The following ZRANB3 variants were observed in gnomAD, a reference collection of about 807,000 sequenced individuals.
The protein encoded by ZRANB3 is zinc finger RANBP2-type containing 3.
ZRANB3 carries 125 observed loss-of-function variants against 133.8 expected under a neutral mutation model. That is an observed-to-expected ratio of 0.93 (90% CI 0.81 to 1.08). ZRANB3 has a LOEUF of 1.08. Among genes scored for constraint, ZRANB3 ranks in the 50% least tolerant of loss-of-function variants. ZRANB3 has a pLI of 0.00. For synonymous variants in ZRANB3, 387 were observed against 432.7 expected (o/e 0.89, Z 1.31); for missense variants, 1,229 against 1,275.5 (o/e 0.96, Z 0.56).
chr2:135,230,717 C>T lies in ZRANB3; in HGVS notation c.1750G>A (p.Glu584Lys), dbSNP rs1292255581. ...ETKRLKLAAS[E>K]DHCSPSEETP... ...TCTTCCGACGGACTGCAGTGGTCTT[C>T]CGAGGCAGCCAATTTCAATCTTTTC... Residue 584 changes from glutamate to lysine, a missense_variant, in exon 13 of 21, where the codon GAA (glutamate) becomes AAA (lysine). Transcript: ENST00000264159. 1.2e-6 allele frequency: 2 copies of T among 1,612,818 alleles called. No individual in the cohort carries two copies. The highest frequency in any genetic ancestry group is 1.7e-6 in the Non-Finnish European group (2 of 1,179,498).
chr2:135,494,240 G>A (rs757068750), intron 2 of ZRANB3, among the ~76,000 whole-genome samples: 45 of 148,568 alleles, frequency 3.0e-4, no homozygotes, highest in Middle Eastern at 3.5e-3. Context: ...CCCGAGAGGC[G>A]GAGCTTGCAG....
chr2:135,295,295 C>T (rs1558894988), intron 8 of ZRANB3, among the ~76,000 whole-genome samples: 1 of 152,128 alleles, frequency 6.6e-6, no homozygotes, highest in Non-Finnish European at 1.5e-5. Flanking sequence ...GGATAGTTAG[C>T]TCTTCTTGTT....
At chr2:135,340,104 CTTTTTTT>C (rs769541283) in intron 6 of ZRANB3, among the ~76,000 whole-genome samples, 3 of 123,776 alleles carry the variant, frequency 2.4e-5, no homozygotes, top group African/African-American at 8.7e-5. Flanking sequence ...TGTCCCTTTT[CTTTTTTT>C]TTTTTTTTTT....
At chr2:135,358,958 T>C (rs1394903494) in intron 3 of ZRANB3, among the ~76,000 whole-genome samples, 1 of 151,876 alleles carries the variant, frequency 6.6e-6, no homozygotes, top group East Asian at 1.9e-4. Flanking sequence ...AATAAGAGAC[T>C]ATGCCTGTCT....
intron 8 of ZRANB3, among the ~76,000 whole-genome samples, chr2:135,308,876 G>C (rs1280507856): frequency 1.3e-5 from 2 of 150,500 alleles, no homozygotes; most frequent in Non-Finnish European, 3.0e-5. Flanking sequence ...CTCCGCCAAA[G>C]GAAAAAAAGT....
At chr2:135,274,193 T>A (rs910875127) in intron 9 of ZRANB3, among the ~76,000 whole-genome samples, 2 of 152,200 alleles carry the variant, frequency 1.3e-5, no homozygotes, top group African/African-American at 4.8e-5. Flanking sequence ...TATACTAAGT[T>A]TTTATCTTTG....
intron 6 of ZRANB3, among the ~76,000 whole-genome samples, chr2:135,327,797 T>A (rs10928535): frequency 0.1 from 15,620 of 152,098 alleles, 1,067 homozygotes; most frequent in South Asian, 0.32. Flanking sequence ...AGATAATACA[T>A]CTAAAACACA....
chr2:135,248,401 G>A (rs6430565), intron 12 of ZRANB3, among the ~76,000 whole-genome samples: 35,907 of 152,078 alleles, frequency 0.24, 6,557 homozygotes, highest in African/African-American at 0.49. Context: ...CAACACCAAA[G>A]GCAGTCTTAA....
chr2:135,431,676 A>G (rs1689328456), intron 2 of ZRANB3, among the ~76,000 whole-genome samples: 3 of 152,208 alleles, frequency 2.0e-5, no homozygotes, highest in African/African-American at 7.2e-5. Context: ...TAACAAAAAT[A>G]TATAGATAGC....
intron 2 of ZRANB3, among the ~76,000 whole-genome samples, chr2:135,424,558 C>T (rs1688992581): frequency 6.6e-6 from 1 of 152,048 alleles, no homozygotes; most frequent in African/African-American, 2.4e-5. Context: ...TATGGTGAAA[C>T]CCTATCTCTA....
chr2:135,349,839 C>T (rs956038769), intron 5 of ZRANB3, 145 bp downstream of exon 5: 9 of 624,722 alleles, frequency 1.4e-5, no homozygotes, highest in Non-Finnish European at 2.0e-5. Context: ...ATAAAACATA[C>T]GTACTATCTA....
At position 135,524,371 on chromosome 2, in the gene ZRANB3, C is replaced by T. The variant is rs546242748; in HGVS notation, c.-8+6756G>A. Among the ~76,000 whole-genome samples, 15 of 152,194 alleles carry T rather than the reference C, an allele frequency of 9.9e-5. No individual in the cohort carries two copies. In the East Asian group the frequency reaches 1.9e-3, roughly 20 times the overall value. On this transcript the variant is annotated intron_variant, in intron 1 of 20. Coordinates refer to ENST00000264159, the MANE Select transcript of ZRANB3 (RefSeq NM_032143.4). ...TGCTGGGATTACAGGCTTAAGCCAC[C>T]GCGACCATCCTGTAGAATTCTATAA...
At chr2:135,223,637 T>C (rs1450700154) in intron 15 of ZRANB3, among the ~76,000 whole-genome samples, 2 of 152,040 alleles carry the variant, frequency 1.3e-5, no homozygotes, top group African/African-American at 4.8e-5. Flanking sequence ...CATAAATGAG[T>C]ATTTCTGAGA....
chr2:135,471,668 C>T (rs2104780873), intron 2 of ZRANB3, among the ~76,000 whole-genome samples: 1 of 152,234 alleles, frequency 6.6e-6, no homozygotes, highest in South Asian at 2.1e-4. Flanking sequence ...TCCATGGCTA[C>T]TAAAGATAAG....
At chr2:135,448,154 CT>C (rs1690110861) in intron 2 of ZRANB3, among the ~76,000 whole-genome samples, 1 of 152,036 alleles carries the variant, frequency 6.6e-6, no homozygotes, top group African/African-American at 2.4e-5. Flanking sequence ...GTCTATCGGG[CT>C]TAAGCAAGAT....
intron 1 of ZRANB3, among the ~76,000 whole-genome samples, chr2:135,515,073 T>C (rs954648742): frequency 1.3e-5 from 2 of 152,200 alleles, no homozygotes; most frequent in African/African-American, 4.8e-5. Context: ...TCGATGTTCA[T>C]CAGAAATAAT....
At chr2:135,479,460 C>T (rs892554297) in intron 2 of ZRANB3, among the ~76,000 whole-genome samples, 25 of 151,904 alleles carry the variant, frequency 1.6e-4, no homozygotes, top group African/African-American at 6.0e-4. Context: ...CATGGTGAAA[C>T]CCCCATCTCT....
intron 2 of ZRANB3, among the ~76,000 whole-genome samples, chr2:135,442,618 C>T (rs1315723324): frequency 6.6e-6 from 1 of 152,142 alleles, no homozygotes; most frequent in East Asian, 1.9e-4. Flanking sequence ...TTAGTTCAAC[C>T]ATTGTGGAAG....
chr2:135,364,117 G>A (rs1685820176), intron 3 of ZRANB3, among the ~76,000 whole-genome samples: 4 of 151,454 alleles, frequency 2.6e-5, no homozygotes, highest in Admixed American at 2.6e-4. Flanking sequence ...AAGGAGGGAA[G>A]GAAGAAGGGA....
Sources: allele counts gnomAD v4.1 joint callset (sites outside exome capture counted in the v4.1 genomes callset), GRCh38; gene constraint gnomAD v4.1.1; transcripts MANE v1.5; gene names NCBI Gene and HGNC (gene_info 2026-07-23, HGNC 2026-07-21).